The following ARHGEF28 variants were observed in gnomAD, a reference collection of about 807,000 sequenced individuals.
ARHGEF28 encodes the protein 190 kDa guanine nucleotide exchange factor.
Under a neutral mutation model 206.6 loss-of-function variants are expected in ARHGEF28, and 152 were observed. That is an observed-to-expected ratio of 0.74 (90% CI 0.64 to 0.84). The LOEUF (loss-of-function observed/expected upper bound fraction) is 0.84, where lower values mean the gene tolerates loss of function less well. Among genes scored for constraint, ARHGEF28 ranks in the 40% least tolerant of loss-of-function variants. The pLI, the probability that ARHGEF28 is intolerant of heterozygous loss-of-function variation, is 0.00. For missense variants in ARHGEF28, 2,028 were observed against 2,073.2 expected, an observed-to-expected ratio of 0.98 and a Z score of 0.42; for synonymous variants, 763 against 776.4, an observed-to-expected ratio of 0.98 and a Z score of 0.29.
chr5:73,853,599 T>A (rs527744639), intron 14 of ARHGEF28, among the ~76,000 whole-genome samples: 2 of 152,278 alleles, frequency 1.3e-5, no homozygotes, highest in Non-Finnish European at 2.9e-5. Context: ...AAGAGGAAGA[T>A]TAAGAATGCC....
At chr5:73,813,682 C>T in intron 9 of ARHGEF28, 1 of 1,534,950 alleles carries the variant, frequency 6.5e-7, no homozygotes, top group Non-Finnish European at 8.7e-7. Context: ...AGGTAGATTG[C>T]AGTATCTTTT....
chr5:73,742,772 C>A (rs1317173525), intron 2 of ARHGEF28, among the ~76,000 whole-genome samples: 1 of 145,594 alleles, frequency 6.9e-6, no homozygotes, highest in Non-Finnish European at 1.5e-5. Context: ...TGCAGTGAGC[C>A]GAGATTGCGC....
intron 14 of ARHGEF28, among the ~76,000 whole-genome samples, chr5:73,854,824 T>C (rs1341159703): frequency 6.6e-6 from 1 of 151,154 alleles, no homozygotes; most frequent in Admixed American, 6.6e-5. Context: ...AGAGCCAGAC[T>C]CCATCTCAAA....
intron 1 of ARHGEF28, among the ~76,000 whole-genome samples, chr5:73,644,019 C>A (rs1744282897): frequency 7.0e-6 from 1 of 142,144 alleles, no homozygotes; most frequent in South Asian, 2.4e-4. Flanking sequence ...GATGTATTAT[C>A]TGCACAGTTA....
At chr5:73,901,108 T>C in intron 30 of ARHGEF28, 76 bp from the exon 31 acceptor site, 5 of 1,132,844 alleles carry the variant, frequency 4.4e-6, no homozygotes, top group Non-Finnish European at 6.5e-6. Flanking sequence ...GTGTTGGCCG[T>C]GTACAGAAGA....
At chr5:73,933,918 A>G (rs1764271926) in intron 35 of ARHGEF28, among the ~76,000 whole-genome samples, 1 of 149,348 alleles carries the variant, frequency 6.7e-6, no homozygotes, top group Non-Finnish European at 1.5e-5. Flanking sequence ...TGTCTCATAA[A>G]TGTTTTTTTT....
intron 35 of ARHGEF28, among the ~76,000 whole-genome samples, chr5:73,924,597 G>C (rs558358170): frequency 6.6e-6 from 1 of 152,312 alleles, no homozygotes; most frequent in East Asian, 1.9e-4. Flanking sequence ...TTCTAAAGTG[G>C]TTGCTCTGGG....
chr5:73,842,158 T>C (rs1423911171), intron 11 of ARHGEF28, among the ~76,000 whole-genome samples: 1 of 152,236 alleles, frequency 6.6e-6, no homozygotes, highest in African/African-American at 2.4e-5. Flanking sequence ...ATCCTGTTGA[T>C]CACACTTTCC....
intron 35 of ARHGEF28, among the ~76,000 whole-genome samples, chr5:73,921,477 ATAT>A (rs1763519015): frequency 6.6e-6 from 1 of 152,228 alleles, no homozygotes; most frequent in African/African-American, 2.4e-5. Context: ...TCTGGATAAG[ATAT>A]TAATTCAGTT....
At chr5:73,858,788 A>G (rs960631908) in intron 16 of ARHGEF28, among the ~76,000 whole-genome samples, 2 of 152,194 alleles carry the variant, frequency 1.3e-5, no homozygotes, top group African/African-American at 2.4e-5. Flanking sequence ...GTAAAGGCAT[A>G]TATCACTGCG....
chr5:73,634,710 A>G (rs1436316908), intron 1 of ARHGEF28, among the ~76,000 whole-genome samples: 2 of 152,218 alleles, frequency 1.3e-5, no homozygotes, highest in African/African-American at 4.8e-5. Context: ...GATTCAGACC[A>G]GCTTGATGCT....
In ARHGEF28 at chr5:73,885,716, A is replaced by G. The variant is rs1580049679; in HGVS notation, c.3056-134A>G. On this transcript the variant is annotated intron_variant, in intron 24 of 35. Transcript: ENST00000513042. ...GCTAGGAATTTAAGTTTAATCCAAC[A>G]TTTTTCTTATGGGATTTTTATTGTT... 5 of 1,042,686 alleles carry G rather than the reference A, an allele frequency of 4.8e-6. No individual in the cohort carries two copies. The East Asian group carries it at 1.1e-4, about 24-fold the overall frequency. The allele number at this position is 1,042,686 out of a possible 1,614,324, so 64.6% of individuals were successfully genotyped here.
At chr5:73,908,494 C>T (rs907377371) in intron 33 of ARHGEF28, 18 of 152,190 alleles carry the variant, frequency 1.2e-4, no homozygotes, top group African/African-American at 3.9e-4. Context: ...TTCTGTACTG[C>T]TTTGCACTCT....
intron 7 of ARHGEF28, 179 bp from the exon 8 acceptor site, chr5:73,794,223 A>G: frequency 1.9e-6 from 1 of 522,700 alleles, no homozygotes; most frequent in Non-Finnish European, 3.3e-6. Context: ...CAGAGTATGG[A>G]CAGTCGGGTT....
At chr5:73,894,287 G>T in intron 28 of ARHGEF28, 106 bp from the exon 29 acceptor site, 3 of 1,168,552 alleles carry the variant, frequency 2.6e-6, no homozygotes, top group Non-Finnish European at 3.6e-6. Context: ...GTTTTCTCTT[G>T]GAGGTCTTAC....
Position 73,868,164 on chromosome 5 carries a change from C to T in ARHGEF28, c.2362C>T (p.His788Tyr), listed in dbSNP as rs776902243. The change falls in exon 20 of 36, where the codon CAT (histidine) becomes TAT (tyrosine). Residue 788 changes from histidine (H) to tyrosine (Y), a missense_variant. By Grantham distance (83) the His-to-Tyr change is moderately conservative. Coordinates refer to ENST00000513042, the MANE Select transcript of ARHGEF28 (RefSeq NM_001177693.2). ...CCATAACAGCTGCAGAAGCAGGTCT[C>T]ATTCTGATGAGCTGCTACAGTCCAT... Reference protein sequence around the residue: ...SDHNSCRSRSHSDELLQSMGS... With the variant: ...SDHNSCRSRSYSDELLQSMGS... 1.5e-5 allele frequency: 24 copies of T among 1,605,248 alleles called. No homozygotes were observed. The highest frequency in any genetic ancestry group is 2.0e-5 in the Non-Finnish European group (23 of 1,175,484).
chr5:73,934,233 CTA>C (rs1190134489), intron 35 of ARHGEF28, among the ~76,000 whole-genome samples: 1 of 152,172 alleles, frequency 6.6e-6, no homozygotes, highest in Admixed American at 6.5e-5. Context: ...TCTTCTGCCC[CTA>C]TATTTCCTGT....
chr5:73,725,434 T>A (rs1041590535), intron 2 of ARHGEF28, among the ~76,000 whole-genome samples: 1 of 152,232 alleles, frequency 6.6e-6, no homozygotes, highest in East Asian at 1.9e-4. Context: ...AGAATGTTGG[T>A]CCACTGGACG....
At chr5:73,839,373 G>A (rs1757846414) in intron 10 of ARHGEF28, among the ~76,000 whole-genome samples, 1 of 152,268 alleles carries the variant, frequency 6.6e-6, no homozygotes, top group African/African-American at 2.4e-5. Context: ...TTATGATGAT[G>A]CTCGATGATT....
Sources: allele counts gnomAD v4.1 joint callset (sites outside exome capture counted in the v4.1 genomes callset), GRCh38; gene constraint gnomAD v4.1.1; transcripts MANE v1.5; gene names NCBI Gene and HGNC (gene_info 2026-07-23, HGNC 2026-07-21).